TALDO1: variants seen among roughly 807,000 people sequenced by gnomAD.
The protein encoded by TALDO1 is transaldolase 1.
In TALDO1, 29 loss-of-function variants were observed where a neutral mutation model predicts 38.1. That is an observed-to-expected ratio of 0.76 (90% CI 0.57 to 1.04). TALDO1 has a LOEUF of 1.04. Ranked by LOEUF, TALDO1 falls within the 50% of genes least tolerant of loss-of-function variation. The probability of loss-of-function intolerance (pLI) is 0.00; values close to 1 mark genes in which losing one functional copy is unlikely to be tolerated. For synonymous variants in TALDO1, 207 were observed against 176.8 expected (o/e 1.17, Z -1.36); for missense variants, 499 against 438.1 (o/e 1.14, Z -1.24).
chr11:755,459 ACT>A (rs1014781940), intron 1 of TALDO1, among the ~76,000 whole-genome samples: 3 of 151,946 alleles, frequency 2.0e-5, no homozygotes, highest in Non-Finnish European at 4.4e-5. Context: ...TGGCTTCTTG[ACT>A]CTGTTGCAGC....
intron 1 of TALDO1, 78 bp downstream of exon 1, chr11:747,656 G>A (rs1862684387): frequency 7.7e-7 from 1 of 1,294,790 alleles, no homozygotes; most frequent in Non-Finnish European, 1.1e-6. Flanking sequence ...CGGGTCTCCC[G>A]TTCCGGGACG....
chr11:757,988 AT>A (rs1377717824), intron 2 of TALDO1, among the ~76,000 whole-genome samples: 10 of 152,220 alleles, frequency 6.6e-5, no homozygotes. Flanking sequence ...AAATATAAAA[AT>A]TAGCTGGGCA....
intron 1 of TALDO1, chr11:752,535 A>G (rs77576100): frequency 0.15 from 22,563 of 152,062 alleles, 2,364 homozygotes; most frequent in African/African-American, 0.3. Context: ...TAATATTTCA[A>G]CAGGGCTGTC....
intron 3 of TALDO1, 121 bp from the exon 4 acceptor site, chr11:760,001 A>G: frequency 7.3e-7 from 1 of 1,377,924 alleles, no homozygotes; most frequent in South Asian, 1.2e-5. Context: ...GGTTGAGGGC[A>G]GTGGTTGGTG....
At chr11:755,359 T>C (rs1862816205) in intron 1 of TALDO1, among the ~76,000 whole-genome samples, 1 of 152,068 alleles carries the variant, frequency 6.6e-6, no homozygotes, top group South Asian at 2.1e-4. Context: ...TTAGCCAGGA[T>C]GGTCTTGATC....
At chr11:753,517 C>T (rs898124742) in intron 1 of TALDO1, among the ~76,000 whole-genome samples, 4 of 151,116 alleles carry the variant, frequency 2.6e-5, no homozygotes, top group Non-Finnish European at 4.4e-5. Flanking sequence ...GGTGAAAGAG[C>T]GAGACTCCGT....
chr11:756,206 GT>G, intron 2 of TALDO1: 2 of 742,638 alleles, frequency 2.7e-6, no homozygotes, highest in East Asian at 5.6e-5. Context: ...AGTTCAGAGA[GT>G]TTTGCCAATG....
chr11:761,123 C>G (rs1426432448), intron 4 of TALDO1, among the ~76,000 whole-genome samples: 1 of 152,028 alleles, frequency 6.6e-6, no homozygotes, highest in Non-Finnish European at 1.5e-5. Context: ...CACCTGAGGT[C>G]AGGAGTTCGA....
At position 761,350 on chromosome 11, in the gene TALDO1, AAAAG is replaced by A. The variant is rs1403724662; in HGVS notation, c.461+1101_461+1104del. Among the ~76,000 whole-genome samples the A allele has an allele frequency of 1.3e-4, 20 of 151,336 alleles. No individual in the cohort carries two copies. In the East Asian group the frequency reaches 2.7e-3, roughly 21 times the overall value. On this transcript the variant is annotated intron_variant, in intron 4 of 7. Coordinates refer to ENST00000319006, the MANE Select transcript of TALDO1 (RefSeq NM_006755.2). The stretch of plus-strand genomic sequence containing the variant: ...GACTCCATCTCAAAAAAAAAAAAAA[AAAAG>A]AAAAGAAAAACTAGCCCACCCCTGT...
intron 4 of TALDO1, among the ~76,000 whole-genome samples, chr11:761,431 G>T (rs1174022474): frequency 2.6e-5 from 4 of 151,408 alleles, no homozygotes; most frequent in East Asian, 3.9e-4. Context: ...AGCCTGGGAA[G>T]TTGAGGTTCC....
intron 2 of TALDO1, among the ~76,000 whole-genome samples, chr11:757,726 A>G (rs999887166): frequency 1.3e-5 from 2 of 152,238 alleles, no homozygotes; most frequent in African/African-American, 4.8e-5. Context: ...TTGAAGAGAT[A>G]GAAAATATAA....
rs181385165 is a variant in TALDO1, at chr11:764,382, C to T, written c.930C>T (p.Asp310=). 240 of 1,614,246 alleles carry T rather than the reference C, an allele frequency of 1.5e-4. No homozygotes were observed. Among genetic ancestry groups the T allele is most frequent in the African/African-American group, 8.3e-4 (62 of 75,060 alleles). Residue 310 remains aspartate, a synonymous_variant, in exon 7 of 8, where the codon GAC becomes GAT. Transcript: ENST00000319006. ...EDQMAVEKLS[D]GIRKFAADAV... is the part of the protein sequence containing the mutation. The stretch of plus-strand genomic sequence containing the variant: ...AGATGGCTGTGGAGAAGCTCTCTGA[C>T]GGGATCCGCAAGTTTGCCGCTGATG...
chr11:755,311 G>GT (rs1862815124), intron 1 of TALDO1, among the ~76,000 whole-genome samples: 1 of 151,858 alleles, frequency 6.6e-6, no homozygotes, highest in South Asian at 2.1e-4. Context: ...CACCCAGCTA[G>GT]TTTTTTGTAT....
intron 1 of TALDO1, among the ~76,000 whole-genome samples, chr11:751,696 G>A (rs1484990336): frequency 1.3e-5 from 2 of 152,166 alleles, no homozygotes; most frequent in Non-Finnish European, 1.5e-5. Flanking sequence ...TCGAGAGGCT[G>A]AGGCGAGATA....
In TALDO1 at chr11:755,604, G is replaced by A. The variant is rs535478330; in HGVS notation, c.98-275G>A. Reference sequence around the variant, plus strand: ...TTTGACCAGCGTTCTCCCAGCTGTCGCACCGCTCACTCCCATGCTGTTACA... The same window carrying A: ...TTTGACCAGCGTTCTCCCAGCTGTCACACCGCTCACTCCCATGCTGTTACA... On this transcript the variant is annotated intron_variant, in intron 1 of 7. Coordinates refer to ENST00000319006, the MANE Select transcript of TALDO1 (RefSeq NM_006755.2). 1.5e-4 allele frequency: 69 copies of A among 470,790 alleles called. No individual in the cohort carries two copies. The East Asian group carries it at 2.7e-3, about 19-fold the overall frequency. 29.2% of individuals were successfully genotyped at this position (470,790 alleles called of 1,614,324 possible).
chr11:750,100 G>A (rs1318544034), intron 1 of TALDO1, among the ~76,000 whole-genome samples: 1 of 152,162 alleles, frequency 6.6e-6, no homozygotes, highest in East Asian at 1.9e-4. Context: ...ACTGGGGCAA[G>A]GAGGCTATGT....
intron 7 of TALDO1, 26 bp from the exon 8 acceptor site, chr11:764,787 A>G: frequency 6.2e-7 from 1 of 1,614,174 alleles, no homozygotes; most frequent in East Asian, 2.2e-5. Flanking sequence ...GTGGGGAGAC[A>G]CAGCTCGTGC....
rs1269884663 is a variant in TALDO1, at chr11:764,409, A to G, written c.957A>G (p.Ala319=). 3 of 1,614,262 alleles carry G rather than the reference A, an allele frequency of 1.9e-6. No homozygotes were observed. Among genetic ancestry groups the G allele is most frequent in the East Asian group, 2.2e-5 (1 of 44,888 alleles). ...SDGIRKFAAD[A]VKLERMLTER... Reference sequence around the variant, plus strand: ...GGATCCGCAAGTTTGCCGCTGATGCAGTGAAGCTGGAGCGGATGCTGACAG... The same window carrying G: ...GGATCCGCAAGTTTGCCGCTGATGCGGTGAAGCTGGAGCGGATGCTGACAG... The change falls in exon 7 of 8, where the codon GCA becomes GCG. Residue 319 remains alanine, a synonymous_variant. Coordinates refer to ENST00000319006, the MANE Select transcript of TALDO1 (RefSeq NM_006755.2).
chr11:755,247 C>T (rs1862814384), intron 1 of TALDO1, among the ~76,000 whole-genome samples: 1 of 148,922 alleles, frequency 6.7e-6, no homozygotes. Context: ...TGGATTCAAG[C>T]CATTCTCCTG....
Sources: gnomAD v4.1 joint callset for allele counts (sites outside exome capture counted in the v4.1 genomes callset) on GRCh38, gnomAD v4.1.1 for gene constraint, MANE v1.5 for transcripts, NCBI Gene and HGNC (gene_info 2026-07-23, HGNC 2026-07-21) for gene names.